Variants in C1orf21 observed in about 807,000 individuals in gnomAD.
The protein encoded by C1orf21 is chromosome 1 open reading frame 21, also known as uncharacterized protein C1orf21.
A neutral mutation model predicts 18.7 loss-of-function variants in C1orf21; 3 were observed. The observed-to-expected ratio is 0.16, with a 90% CI of 0.07 to 0.42. The LOEUF (loss-of-function observed/expected upper bound fraction) is 0.42. Among genes scored for constraint, C1orf21 ranks in the 10% least tolerant of loss-of-function variants. The pLI, the probability that C1orf21 is intolerant of heterozygous loss-of-function variation, is 0.99. For missense variants in C1orf21, 104 were observed against 143.6 expected, an observed-to-expected ratio of 0.72 and a Z score of 1.41; for synonymous variants, 41 against 46.4, an observed-to-expected ratio of 0.88 and a Z score of 0.47.
rs191179047 is a variant in C1orf21 at position 184,543,636 on chromosome 1, G to T, written c.189+35954G>T. On this transcript the variant is annotated intron_variant, in intron 3 of 5. Transcript: ENST00000235307. Reference sequence around the variant, plus strand: ...GAGGTAGGTTTATTTTTATAAAAATGTTATCACTTCTGGCAGTAGAAACAG... The same window carrying T: ...GAGGTAGGTTTATTTTTATAAAAATTTTATCACTTCTGGCAGTAGAAACAG... Among the ~76,000 whole-genome samples the T allele has an allele frequency of 7.5e-3, 1,147 of 152,234 alleles. 6 individuals carry two copies. Among genetic ancestry groups the T allele is most frequent in the Middle Eastern group, 0.02 (6 of 294 alleles).
chr1:184,548,596 A>G (rs943697029), intron 3 of C1orf21, among the ~76,000 whole-genome samples: 3 of 152,078 alleles, frequency 2.0e-5, no homozygotes, highest in African/African-American at 7.2e-5. Flanking sequence ...GGCAGTTCCC[A>G]AGAGGTCTGT....
At chr1:184,522,886 G>A (rs955751973) in intron 3 of C1orf21, among the ~76,000 whole-genome samples, 2 of 152,070 alleles carry the variant, frequency 1.3e-5, no homozygotes, top group Non-Finnish European at 2.9e-5. Flanking sequence ...ACAGGGTTTT[G>A]CCAGTTGTCC....
chr1:184,402,777 G>T (rs1203995128), intron 1 of C1orf21, among the ~76,000 whole-genome samples: 1 of 152,098 alleles, frequency 6.6e-6, no homozygotes, highest in Non-Finnish European at 1.5e-5. Flanking sequence ...AATCACAGAG[G>T]TTGTACAGTA....
intron 2 of C1orf21, among the ~76,000 whole-genome samples, chr1:184,481,188 T>G (rs1657649053): frequency 6.6e-6 from 1 of 152,180 alleles, no homozygotes; most frequent in Non-Finnish European, 1.5e-5. Flanking sequence ...ACTCTCTCTC[T>G]TAGAAAAATG....
intron 1 of C1orf21, among the ~76,000 whole-genome samples, chr1:184,427,570 G>A (rs1208831089): frequency 3.3e-5 from 5 of 152,120 alleles, no homozygotes; most frequent in Non-Finnish European, 7.4e-5. Context: ...TCTTGGGCAG[G>A]TTATTGAACC....
intron 1 of C1orf21, among the ~76,000 whole-genome samples, chr1:184,474,700 T>C (rs1350258218): frequency 6.6e-6 from 1 of 152,180 alleles, no homozygotes; most frequent in Non-Finnish European, 1.5e-5. Context: ...TGTACCCTGA[T>C]TTTGTTAGGA....
At chr1:184,511,198 G>A (rs1658138053) in intron 3 of C1orf21, among the ~76,000 whole-genome samples, 2 of 152,074 alleles carry the variant, frequency 1.3e-5, no homozygotes, top group Admixed American at 1.3e-4. Context: ...AAAGCTCAAA[G>A]TATAGTACAC....
chr1:184,518,469 C>T (rs1421072549), intron 3 of C1orf21, among the ~76,000 whole-genome samples: 2 of 152,094 alleles, frequency 1.3e-5, no homozygotes, highest in East Asian at 3.8e-4. Flanking sequence ...TACCTACTTC[C>T]CTTGAAGAAA....
chr1:184,476,007 T>C (rs989469023), intron 1 of C1orf21, among the ~76,000 whole-genome samples: 1 of 152,204 alleles, frequency 6.6e-6, no homozygotes, highest in African/African-American at 2.4e-5. Flanking sequence ...ATAGTCATTG[T>C]CAATATTTAT....
chr1:184,601,343 A>G (rs2102003676), intron 5 of C1orf21, among the ~76,000 whole-genome samples: 1 of 152,328 alleles, frequency 6.6e-6, no homozygotes, highest in Non-Finnish European at 1.5e-5. Flanking sequence ...TTTACCTTCT[A>G]ACCTAATTTG....
At chr1:184,567,277 A>AT in intron 3 of C1orf21, 1 of 459,622 alleles carries the variant, frequency 2.2e-6, no homozygotes, top group South Asian at 1.8e-5. Context: ...CTGTAAAGGA[A>AT]TTTTTCATTA....
At chr1:184,608,295 A>G (rs2102006906) in intron 5 of C1orf21, among the ~76,000 whole-genome samples, 1 of 152,300 alleles carries the variant, frequency 6.6e-6, no homozygotes, top group East Asian at 1.9e-4. Flanking sequence ...GTGTTTTTTG[A>G]CAAAGTGTCA....
At chr1:184,614,943 G>T (rs150453278) in intron 5 of C1orf21, among the ~76,000 whole-genome samples, 2 of 152,270 alleles carry the variant, frequency 1.3e-5, no homozygotes, top group East Asian at 3.9e-4. Flanking sequence ...GACCAGTAGC[G>T]GTCCATGGCT....
chr1:184,606,453 A>C (rs1330471697), intron 5 of C1orf21, among the ~76,000 whole-genome samples: 2 of 152,030 alleles, frequency 1.3e-5, no homozygotes, highest in Non-Finnish European at 2.9e-5. Flanking sequence ...GGTGGCATTC[A>C]CCTGTAGTCC....
chr1:184,619,715 G>A lies in C1orf21; in HGVS notation c.*159G>A. On this transcript the variant is annotated 3_prime_UTR_variant, in exon 6 of 6. Coordinates refer to ENST00000235307, the MANE Select transcript of C1orf21 (RefSeq NM_030806.4). ...CCATTAAATTACAGTGTTTCTTAATGAACTTGCAAAGGAATATTGCTAAAA... is the reference window on the plus strand; with the variant it reads ...CCATTAAATTACAGTGTTTCTTAATAAACTTGCAAAGGAATATTGCTAAAA... The A allele has an allele frequency of 1.8e-6, 1 of 549,030 alleles. No homozygotes were observed. Among genetic ancestry groups the A allele is most frequent in the East Asian group, 3.3e-5 (1 of 30,238 alleles). 34.0% of individuals were successfully genotyped at this position (549,030 alleles called of 1,614,324 possible).
intron 2 of C1orf21, among the ~76,000 whole-genome samples, chr1:184,479,975 C>T (rs1231952166): frequency 6.6e-6 from 1 of 152,060 alleles, no homozygotes; most frequent in Admixed American, 6.6e-5. Context: ...ATGTATAAGG[C>T]CTTTTGCTAA....
intron 1 of C1orf21, among the ~76,000 whole-genome samples, chr1:184,442,719 A>G (rs1656967339): frequency 6.6e-6 from 1 of 152,228 alleles, no homozygotes; most frequent in Non-Finnish European, 1.5e-5. Flanking sequence ...CTTGATTGCT[A>G]GGACTAAAGC....
chr1:184,452,941 A>G (rs982250540), intron 1 of C1orf21, among the ~76,000 whole-genome samples: 1 of 152,148 alleles, frequency 6.6e-6, no homozygotes, highest in African/African-American at 2.4e-5. Context: ...TGGTATCATG[A>G]GGAGAAAACT....
At chr1:184,503,863 T>G (rs1453380765) in intron 2 of C1orf21, among the ~76,000 whole-genome samples, 1 of 152,158 alleles carries the variant, frequency 6.6e-6, no homozygotes, top group African/African-American at 2.4e-5. Flanking sequence ...GGAATGAGTT[T>G]GGCATGTCAG....
Sources: gnomAD v4.1 joint callset for allele counts (sites outside exome capture counted in the v4.1 genomes callset) on GRCh38, gnomAD v4.1.1 for gene constraint, MANE v1.5 for transcripts, NCBI Gene and HGNC (gene_info 2026-07-23, HGNC 2026-07-21) for gene names.